Variants in TOM1L1 observed in about 807,000 individuals in gnomAD.
TOM1L1 encodes the protein target of myb1 like 1 membrane trafficking protein.
In TOM1L1, 64 loss-of-function variants were observed where a neutral mutation model predicts 63.4. That is an observed-to-expected ratio of 1.01 (90% CI 0.83 to 1.24). The LOEUF is 1.24. TOM1L1 is among the 50% of genes most tolerant of loss of function. The pLI, the probability that TOM1L1 is intolerant of heterozygous loss-of-function variation, is 0.00. For synonymous variants in TOM1L1, 166 were observed against 194.4 expected, an observed-to-expected ratio of 0.85 and a Z score of 1.22; for missense variants, 536 against 567.0, an observed-to-expected ratio of 0.95 and a Z score of 0.55.
intron 1 of TOM1L1, among the ~76,000 whole-genome samples, chr17:54,902,107 G>A (rs1396235305): frequency 1.3e-5 from 2 of 152,168 alleles, no homozygotes; most frequent in African/African-American, 2.4e-5. Flanking sequence ...TCACTTTCTT[G>A]TAGAGAAGAC....
At position 54,960,755 on chromosome 17, in the gene TOM1L1, C is replaced by T. The variant is rs73990230; in HGVS notation, c.*1+128C>T. ...GTCTGACACTTTGAAATATGAGTTCCCCTGAATCATTCAAATTGTGCTGAA... is the reference window on the plus strand; with the variant it reads ...GTCTGACACTTTGAAATATGAGTTCTCCTGAATCATTCAAATTGTGCTGAA... On this transcript the variant is annotated intron_variant, in intron 15 of 15. Coordinates refer to ENST00000575882, the MANE Select transcript of TOM1L1 (RefSeq NM_005486.3). 375 of 682,050 alleles carry T rather than the reference C, an allele frequency of 5.5e-4. 2 individuals are homozygous for T. The African/African-American group carries it at 5.7e-3, about 10-fold the overall frequency. The allele number at this position is 682,050 out of a possible 1,614,324, so 42.2% of individuals were successfully genotyped here. A position where few individuals can be genotyped will look rare whatever the true frequency, so the allele number is the denominator to read the frequency against.
chr17:54,942,832 A>T (rs2143925386), intron 11 of TOM1L1, among the ~76,000 whole-genome samples: 1 of 152,218 alleles, frequency 6.6e-6, no homozygotes, highest in East Asian at 1.9e-4. Flanking sequence ...CTTTATAGTC[A>T]CACCCTTGTA....
intron 8 of TOM1L1, among the ~76,000 whole-genome samples, chr17:54,932,764 CT>C (rs2048885000): frequency 6.6e-6 from 1 of 152,164 alleles, no homozygotes; most frequent in Non-Finnish European, 1.5e-5. Context: ...ACAATTGTTA[CT>C]CTTGTTTTCT....
intron 3 of TOM1L1, among the ~76,000 whole-genome samples, chr17:54,907,395 G>A (rs1293616993): frequency 6.6e-6 from 1 of 152,112 alleles, no homozygotes; most frequent in African/African-American, 2.4e-5. Context: ...GATGAAAATG[G>A]CTATTACATA....
chr17:54,961,547 T>A lies in TOM1L1; in HGVS notation c.*314T>A. The A allele has an allele frequency of 1.5e-6, 2 of 1,370,322 alleles. No individual in the cohort carries two copies. The highest frequency in any genetic ancestry group is 1.9e-6 in the Non-Finnish European group (2 of 1,063,842). The allele number at this position is 1,370,322 out of a possible 1,614,324, so 84.9% of individuals were successfully genotyped here. A position where few individuals can be genotyped will look rare whatever the true frequency, so the allele number is the denominator to read the frequency against. On this transcript the variant is annotated 3_prime_UTR_variant, in exon 16 of 16. Transcript: ENST00000575882. Reference sequence around the variant, plus strand: ...CATGTTTCACAGGCCTTCCTACATTTAGAAATCGTCACACAGCTGTGATAA... The same window carrying A: ...CATGTTTCACAGGCCTTCCTACATTAAGAAATCGTCACACAGCTGTGATAA...
At chr17:54,917,130 T>C (rs1385625757) in intron 7 of TOM1L1, 1 of 152,216 alleles carries the variant, frequency 6.6e-6, no homozygotes, top group Non-Finnish European at 1.5e-5. Context: ...TGCAGATGTT[T>C]GTTTAACTTA....
At chr17:54,906,994 T>C (rs749066471) in intron 3 of TOM1L1, among the ~76,000 whole-genome samples, 2 of 152,234 alleles carry the variant, frequency 1.3e-5, no homozygotes, top group Non-Finnish European at 2.9e-5. Context: ...TATGTGAGCA[T>C]AGCTCCTGGT....
intron 5 of TOM1L1, 97 bp downstream of exon 5, chr17:54,913,970 CA>C: frequency 7.4e-7 from 1 of 1,354,800 alleles, no homozygotes; most frequent in Non-Finnish European, 9.8e-7. Flanking sequence ...CCAGCTTAAG[CA>C]AAAAGATGAA....
At chr17:54,940,144 C>T (rs1458769361) in intron 11 of TOM1L1, among the ~76,000 whole-genome samples, 2 of 152,162 alleles carry the variant, frequency 1.3e-5, no homozygotes, top group East Asian at 1.9e-4. Flanking sequence ...GATCCATGTG[C>T]CTCGGCCTCC....
intron 2 of TOM1L1, among the ~76,000 whole-genome samples, chr17:54,905,122 A>C (rs2048389171): frequency 6.6e-6 from 1 of 152,196 alleles, no homozygotes; most frequent in Admixed American, 6.5e-5. Flanking sequence ...GGAAATACTA[A>C]TAGTTTTAAT....
At chr17:54,921,611 G>A (rs1044853207) in intron 7 of TOM1L1, among the ~76,000 whole-genome samples, 2 of 152,030 alleles carry the variant, frequency 1.3e-5, no homozygotes, top group Non-Finnish European at 2.9e-5. Flanking sequence ...GGTGGTGGGC[G>A]CCTATAATCC....
intron 1 of TOM1L1, among the ~76,000 whole-genome samples, chr17:54,902,543 G>A (rs2048344182): frequency 6.6e-6 from 1 of 152,226 alleles, no homozygotes; most frequent in South Asian, 2.1e-4. Context: ...ACCCACCTCG[G>A]CCTCCCAAAG....
intron 5 of TOM1L1, 44 bp from the exon 6 acceptor site, chr17:54,914,595 T>A: frequency 6.5e-7 from 1 of 1,527,596 alleles, no homozygotes; most frequent in Non-Finnish European, 9.1e-7. Flanking sequence ...GTTGGGTGGC[T>A]ATGTTAATTC....
intron 3 of TOM1L1, among the ~76,000 whole-genome samples, chr17:54,907,125 T>C (rs1402676446): frequency 1.3e-5 from 2 of 151,218 alleles, no homozygotes; most frequent in Non-Finnish European, 2.9e-5. Context: ...GATCTGAATA[T>C]AGTTTTAGAG....
chr17:54,935,890 A>AG (rs2048936784), intron 8 of TOM1L1, among the ~76,000 whole-genome samples: 1 of 152,152 alleles, frequency 6.6e-6, no homozygotes, highest in Non-Finnish European at 1.5e-5. Context: ...TGGGAGGCCG[A>AG]GGTGGGCGGA....
intron 5 of TOM1L1, 140 bp from the exon 6 acceptor site, chr17:54,914,499 T>G: frequency 3.1e-6 from 2 of 639,576 alleles, no homozygotes; most frequent in South Asian, 3.9e-5. Context: ...CTGGACGGGT[T>G]GTGTAGCTGA....
intron 11 of TOM1L1, among the ~76,000 whole-genome samples, chr17:54,944,501 A>G (rs1421070959): frequency 1.3e-5 from 2 of 152,036 alleles, no homozygotes; most frequent in Non-Finnish European, 2.9e-5. Flanking sequence ...TATTTACCCA[A>G]TGTTTACCAT....
chr17:54,903,749 C>T lies in TOM1L1; in HGVS notation c.100C>T (p.Gln34Ter). ...TGGAGTTCAGACTGAAGATTGGGGC[C>T]AGTTCATGCACATCTGTGACATAAT... Reference protein sequence around the residue: ...FAGVQTEDWGQFMHICDIINT... With the variant: ...FAGVQTEDWG Residue 34 changes from glutamine (Q) to a stop codon, truncating the protein, a stop_gained, in exon 2 of 16, where the codon CAG becomes TAG. Coordinates refer to ENST00000575882, the MANE Select transcript of TOM1L1 (RefSeq NM_005486.3). LOFTEE classifies it high-confidence loss of function. 1.2e-6 allele frequency: 2 copies of T among 1,614,170 alleles called. No individual in the cohort carries two copies. The highest frequency in any genetic ancestry group is 1.7e-6 in the Non-Finnish European group (2 of 1,180,018).
intron 3 of TOM1L1, among the ~76,000 whole-genome samples, chr17:54,909,632 A>G (rs2048465911): frequency 6.6e-6 from 1 of 152,124 alleles, no homozygotes; most frequent in African/African-American, 2.4e-5. Context: ...GTTATGTTTC[A>G]TTTGGGCCTT....
Sources: allele counts gnomAD v4.1 joint callset (sites outside exome capture counted in the v4.1 genomes callset), GRCh38; gene constraint gnomAD v4.1.1; transcripts MANE v1.5; gene names NCBI Gene and HGNC (gene_info 2026-07-23, HGNC 2026-07-21).